Variants in WDR27 observed in about 807,000 individuals in gnomAD.
WDR27 encodes WD repeat domain 27.
A neutral mutation model predicts 114.4 loss-of-function variants in WDR27; 100 were observed. The observed-to-expected ratio is 0.87, with a 90% CI of 0.74 to 1.03. The LOEUF (loss-of-function observed/expected upper bound fraction) is 1.03. Among genes scored for constraint, WDR27 ranks in the 50% least tolerant of loss-of-function variants. The pLI, the probability that WDR27 is intolerant of heterozygous loss-of-function variation, is 0.00. For synonymous variants in WDR27, 449 were observed against 423.1 expected (o/e 1.06, Z -0.75); for missense variants, 1,129 against 1,092.9 (o/e 1.03, Z -0.47).
At chr6:169,606,410 T>C (rs1435499175) in intron 22 of WDR27, among the ~76,000 whole-genome samples, 1 of 152,172 alleles carries the variant, frequency 6.6e-6, no homozygotes, top group Non-Finnish European at 1.5e-5. Context: ...GATCAACCCA[T>C]CACCTAGGTA....
chr6:169,667,374 G>T, intron 5 of WDR27, 187 bp from the exon 6 acceptor site: 1 of 1,231,568 alleles, frequency 8.1e-7, no homozygotes, highest in South Asian at 3.9e-5. Context: ...GAATCAAAAA[G>T]AAAAAAATAA....
chr6:169,633,626 T>A (rs367558195), intron 20 of WDR27, among the ~76,000 whole-genome samples: 3 of 152,164 alleles, frequency 2.0e-5, no homozygotes, highest in Non-Finnish European at 2.9e-5. Context: ...GCCTCAATGC[T>A]CAGCCCTGAA....
At chr6:169,471,299 C>T (rs998421728) in intron 25 of WDR27, among the ~76,000 whole-genome samples, 1 of 152,114 alleles carries the variant, frequency 6.6e-6, no homozygotes, top group South Asian at 2.1e-4. Flanking sequence ...CATGGTTGTT[C>T]ACAGCCAATC....
chr6:169,539,585 T>C (rs1245410852), intron 25 of WDR27, among the ~76,000 whole-genome samples: 1 of 152,206 alleles, frequency 6.6e-6, no homozygotes, highest in African/African-American at 2.4e-5. Flanking sequence ...AGAGAACTTA[T>C]ACCCCAAATC....
intron 21 of WDR27, among the ~76,000 whole-genome samples, chr6:169,630,025 A>T (rs1239768312): frequency 1.3e-5 from 2 of 152,116 alleles, no homozygotes; most frequent in Admixed American, 6.6e-5. Flanking sequence ...TAAACTCAAG[A>T]ATGACAATGT....
intron 25 of WDR27, among the ~76,000 whole-genome samples, chr6:169,535,930 CT>C (rs1796150630): frequency 6.6e-6 from 1 of 152,220 alleles, no homozygotes; most frequent in Non-Finnish European, 1.5e-5. Flanking sequence ...CTGTTCCAGA[CT>C]TTGTCTCCAT....
intron 24 of WDR27, among the ~76,000 whole-genome samples, chr6:169,578,874 A>G (rs1335077791): frequency 6.6e-6 from 1 of 152,226 alleles, no homozygotes; most frequent in African/African-American, 2.4e-5. Context: ...CAAGATGTCT[A>G]CAGCCTGATA....
At chr6:169,633,313 C>T (rs1047610690) in intron 20 of WDR27, among the ~76,000 whole-genome samples, 4 of 152,146 alleles carry the variant, frequency 2.6e-5, no homozygotes, top group Admixed American at 6.5e-5. Flanking sequence ...AAAGTGAGAC[C>T]ACCACAGTAG....
intron 25 of WDR27, among the ~76,000 whole-genome samples, chr6:169,530,289 C>G (rs1350632437): frequency 6.6e-6 from 1 of 152,198 alleles, no homozygotes; most frequent in Non-Finnish European, 1.5e-5. Flanking sequence ...ACTGATTGGT[C>G]CATGCACTGC....
chr6:169,659,340 T>A lies in WDR27; in HGVS notation c.1197+111A>T, dbSNP rs1825278300. ...CATCGCCCTGTCACTCCTAAAACGT[T>A]TTTACACACAAAATCCCGTTTACTC... is the stretch of plus-strand genomic sequence containing the variant. On this transcript the variant is annotated intron_variant, in intron 11 of 25. Transcript: ENST00000448612. This position sits in a 1 kb window ranked among gnomAD's most constrained non-coding sequence, Gnocchi z 4.3. 6.4e-7 allele frequency: 1 copy of A among 1,573,076 alleles called. No homozygotes were observed. Among genetic ancestry groups the A allele is most frequent in the African/African-American group, 1.4e-5 (1 of 73,836 alleles).
At chr6:169,569,156 G>C (rs780199688) in intron 25 of WDR27, among the ~76,000 whole-genome samples, 15 of 152,222 alleles carry the variant, frequency 9.9e-5, no homozygotes, top group African/African-American at 3.6e-4. Context: ...ACTGCAGCAT[G>C]AGTTTCTGAT....
In WDR27 at chr6:169,659,029, C is replaced by A. The variant is rs1314700439; in HGVS notation, c.1319+57G>T. 2 of 1,477,882 alleles carry A rather than the reference C, an allele frequency of 1.4e-6. No homozygotes were observed. Among genetic ancestry groups the A allele is most frequent in the East Asian group, 2.4e-5 (1 of 41,406 alleles). 91.5% of individuals were successfully genotyped at this position (1,477,882 alleles called of 1,614,324 possible). A position where few individuals can be genotyped will look rare whatever the true frequency, so the allele number is the denominator to read the frequency against. On this transcript the variant is annotated intron_variant, in intron 12 of 25. Transcript: ENST00000448612. The surrounding 1 kb of genome is among the most constrained non-coding windows in gnomAD (Gnocchi z 4.3). ...AATCTTTATTTCTGAACATAGAAATCCAGATGGCACTTATTGGTGAACACA... is the reference window on the plus strand; with the variant it reads ...AATCTTTATTTCTGAACATAGAAATACAGATGGCACTTATTGGTGAACACA...
At chr6:169,470,244 T>C (rs190667703) in intron 25 of WDR27, among the ~76,000 whole-genome samples, 77 of 152,322 alleles carry the variant, frequency 5.1e-4, no homozygotes, top group African/African-American at 1.8e-3. Flanking sequence ...ATTATTTACA[T>C]TCCCTCTCAG....
chr6:169,663,966 C>T (rs1485353705), intron 8 of WDR27, among the ~76,000 whole-genome samples, 200 bp downstream of exon 8: 1 of 152,220 alleles, frequency 6.6e-6, no homozygotes, highest in African/African-American at 2.4e-5. Context: ...CCGTCCCCAC[C>T]CACACCAGGT....
intron 25 of WDR27, among the ~76,000 whole-genome samples, chr6:169,567,847 C>T (rs535448837): frequency 9.9e-5 from 15 of 152,260 alleles, no homozygotes; most frequent in African/African-American, 3.1e-4. Flanking sequence ...AGAATAAAGT[C>T]GGAATCCCAC....
intron 25 of WDR27, among the ~76,000 whole-genome samples, chr6:169,540,193 A>G (rs1234404516): frequency 6.6e-6 from 1 of 152,202 alleles, no homozygotes; most frequent in African/African-American, 2.4e-5. Context: ...CCCTAGAATG[A>G]CTATTTAGGT....
intron 24 of WDR27, among the ~76,000 whole-genome samples, chr6:169,575,344 A>T: frequency 1.7e-5 from 1 of 60,498 alleles, no homozygotes; most frequent in Non-Finnish European, 3.3e-5. Context: ...CCATCCATCC[A>T]TCCCTCCCTC....
intron 21 of WDR27, among the ~76,000 whole-genome samples, chr6:169,627,271 T>A (rs1286507463): frequency 2.0e-5 from 3 of 152,222 alleles, no homozygotes; most frequent in Non-Finnish European, 2.9e-5. Context: ...AACATCTTTT[T>A]AAAAACAAAT....
chr6:169,511,887 G>A (rs1367504604), intron 25 of WDR27, among the ~76,000 whole-genome samples: 1 of 152,040 alleles, frequency 6.6e-6, no homozygotes, highest in African/African-American at 2.4e-5. Context: ...CATGGCCATT[G>A]GTTTACTGCT....
Sources: gnomAD v4.1 joint callset for allele counts (sites outside exome capture counted in the v4.1 genomes callset) on GRCh38, gnomAD v4.1.1 for gene constraint, Gnocchi (gnomAD v3.1) non-coding constraint, MANE v1.5 for transcripts, NCBI Gene and HGNC (gene_info 2026-07-23, HGNC 2026-07-21) for gene names.